The following AFG2A variants were observed in gnomAD, a reference collection of about 807,000 sequenced individuals.
AFG2A encodes the protein AAA ATPase AFG2A.
the AFG2A span, among the ~76,000 whole-genome samples, chr4:122,936,374 T>A: frequency 6.6e-6 from 1 of 152,210 alleles, no homozygotes; most frequent in Non-Finnish European, 1.5e-5. Flanking sequence ...TAAGACATAG[T>A]GTTTGATAAG....
the AFG2A span, among the ~76,000 whole-genome samples, chr4:122,953,393 A>T: frequency 6.6e-6 from 1 of 152,222 alleles, no homozygotes; most frequent in East Asian, 1.9e-4. Context: ...GAACCAACGA[A>T]TGTCACCATA....
the AFG2A span, among the ~76,000 whole-genome samples, chr4:122,967,949 T>C: frequency 6.6e-6 from 1 of 152,148 alleles, no homozygotes; most frequent in Non-Finnish European, 1.5e-5. Flanking sequence ...TATGGATACT[T>C]AGAACTGAGT....
chr4:123,035,664 T>C, the AFG2A span, among the ~76,000 whole-genome samples: 1 of 152,104 alleles, frequency 6.6e-6, no homozygotes, highest in African/African-American at 2.4e-5. Flanking sequence ...CATCATATGT[T>C]AAGACTATAT....
chr4:123,056,573 A>T, the AFG2A span: 81 of 524,164 alleles, frequency 1.5e-4, no homozygotes, highest in East Asian at 3.0e-3. Context: ...TTTTTTCTTC[A>T]GGTAAATATT....
At chr4:123,186,146 A>T in the AFG2A span, among the ~76,000 whole-genome samples, 1 of 152,314 alleles carries the variant, frequency 6.6e-6, no homozygotes, top group African/African-American at 2.4e-5. Context: ...TGCATTCATG[A>T]TAAGGATATA....
chr4:123,301,116 T>C, the AFG2A span, among the ~76,000 whole-genome samples: 1 of 152,164 alleles, frequency 6.6e-6, no homozygotes, highest in Non-Finnish European at 1.5e-5. Flanking sequence ...TTTTAGACTA[T>C]AATGAAAGTT....
At chr4:123,232,498 G>T in the AFG2A span, among the ~76,000 whole-genome samples, 333 of 152,078 alleles carry the variant, frequency 2.2e-3, 2 homozygotes, top group Middle Eastern at 0.014. Context: ...TTAACAACCT[G>T]GAATTCATTC....
At chr4:122,926,365 C>T in the AFG2A span, among the ~76,000 whole-genome samples, 1 of 152,160 alleles carries the variant, frequency 6.6e-6, no homozygotes, top group Non-Finnish European at 1.5e-5. Flanking sequence ...TGTTAATGAC[C>T]AGCAAACAAT....
chr4:123,106,505 C>A, the AFG2A span, among the ~76,000 whole-genome samples: 3 of 150,780 alleles, frequency 2.0e-5, 1 homozygote, highest in South Asian at 6.2e-4. Flanking sequence ...ACCCAAACCA[C>A]CCTAAAAAAA....
At chr4:122,983,788 G>A in the AFG2A span, among the ~76,000 whole-genome samples, 1 of 152,186 alleles carries the variant, frequency 6.6e-6, no homozygotes, top group Non-Finnish European at 1.5e-5. Flanking sequence ...GAGCCCCATA[G>A]ATGGTTCACA....
chr4:122,989,300 T>C, the AFG2A span, among the ~76,000 whole-genome samples: 2 of 152,148 alleles, frequency 1.3e-5, no homozygotes, highest in African/African-American at 4.8e-5. Flanking sequence ...TGGTAGGCTG[T>C]CTTGCTGCTG....
At chr4:123,144,060 G>A in the AFG2A span, among the ~76,000 whole-genome samples, 1 of 151,878 alleles carries the variant, frequency 6.6e-6, no homozygotes, top group African/African-American at 2.4e-5. Flanking sequence ...TGAGTGAGTG[G>A]ATAAATGAAT....
At chr4:123,113,893 A>C in the AFG2A span, among the ~76,000 whole-genome samples, 2 of 151,988 alleles carry the variant, frequency 1.3e-5, no homozygotes, top group Non-Finnish European at 2.9e-5. Context: ...CATCTCGTTG[A>C]GTGTTGAGCT....
At chr4:123,163,359 C>A in the AFG2A span, among the ~76,000 whole-genome samples, 1 of 151,946 alleles carries the variant, frequency 6.6e-6, no homozygotes, top group Non-Finnish European at 1.5e-5. Flanking sequence ...TTGCTTGAAC[C>A]GGGACCCAGG....
At chr4:123,095,502 C>T in the AFG2A span, among the ~76,000 whole-genome samples, 3 of 152,062 alleles carry the variant, frequency 2.0e-5, no homozygotes, top group Non-Finnish European at 4.4e-5. Flanking sequence ...TGTTTCCACA[C>T]TTGTATGATT....
chr4:123,021,515 T>G, the AFG2A span, among the ~76,000 whole-genome samples: 3 of 152,202 alleles, frequency 2.0e-5, no homozygotes, highest in African/African-American at 7.2e-5. Context: ...TACGAACACA[T>G]GGATCTTAAT....
At chr4:122,936,245 A>G in the AFG2A span, 7 of 861,144 alleles carry the variant, frequency 8.1e-6, no homozygotes, top group Non-Finnish European at 1.2e-5. Context: ...AAGCATAAAC[A>G]GTAGTACAAA....
At chr4:123,257,564 G>A in the AFG2A span, among the ~76,000 whole-genome samples, 1 of 152,296 alleles carries the variant, frequency 6.6e-6, no homozygotes, top group East Asian at 1.9e-4. Flanking sequence ...AGTAGCTTGA[G>A]AAGCAGTTGA....
chr4:123,084,932 A>G, the AFG2A span, among the ~76,000 whole-genome samples: 1 of 152,136 alleles, frequency 6.6e-6, no homozygotes. Flanking sequence ...CACCCGGCCT[A>G]AAAATATTTT....
Sources: gnomAD v4.1 joint callset for allele counts (sites outside exome capture counted in the v4.1 genomes callset) on GRCh38, gnomAD v4.1.1 for gene constraint, MANE v1.5 for transcripts, NCBI Gene and HGNC (gene_info 2026-07-23, HGNC 2026-07-21) for gene names.